Variants in KLF12 observed in about 807,000 individuals in gnomAD.
The protein encoded by KLF12 is Krueppel-like factor 12.
A neutral mutation model predicts 37.8 loss-of-function variants in KLF12; 9 were observed. The ratio of observed to expected loss-of-function variants is 0.24; its 90% CI spans 0.14 to 0.42. KLF12 has a LOEUF of 0.42. Among genes scored for constraint, KLF12 ranks in the 10% least tolerant of loss-of-function variants. The probability of loss-of-function intolerance (pLI) is 1.00; values close to 1 mark genes in which losing one functional copy is unlikely to be tolerated. For synonymous variants in KLF12, 208 were observed against 202.1 expected, an observed-to-expected ratio of 1.03 and a Z score of -0.25; for missense variants, 411 against 516.0, an observed-to-expected ratio of 0.80 and a Z score of 1.97.
chr13:73,943,866 G>A (rs1330873156), intron 3 of KLF12, 115 bp downstream of exon 3: 3 of 679,750 alleles, frequency 4.4e-6, no homozygotes, highest in Middle Eastern at 2.5e-4. Context: ...TAACCTGAGA[G>A]AGAAAAGCTT....
Position 73,941,979 on chromosome 13 carries a change from A to G in KLF12, c.123+2002T>C, listed in dbSNP as rs1317437454. 4.6e-5 allele frequency among the ~76,000 whole-genome samples: 7 copies of G among 152,194 alleles called. No homozygotes were observed. The East Asian group carries it at 1.2e-3, about 25-fold the overall frequency. ...ATTAGGCAATACCTATGAACCCACAACTTTTCATGTCCCTCTCTAAGGACA... is the reference window on the plus strand; with the variant it reads ...ATTAGGCAATACCTATGAACCCACAGCTTTTCATGTCCCTCTCTAAGGACA... On this transcript the variant is annotated intron_variant, in intron 3 of 7. Transcript: ENST00000377669.
At chr13:74,285,251 T>A in the KLF12 span, among the ~76,000 whole-genome samples, 3 of 152,148 alleles carry the variant, frequency 2.0e-5, no homozygotes, top group African/African-American at 7.2e-5. Context: ...AAGCTCTTTA[T>A]GGAATCTTTC....
At chr13:73,754,422 C>T (rs1366185543) in intron 6 of KLF12, among the ~76,000 whole-genome samples, 1 of 152,102 alleles carries the variant, frequency 6.6e-6, no homozygotes, top group Non-Finnish European at 1.5e-5. Context: ...ACCCTTGCCT[C>T]TCATCACGCA....
At position 73,948,406 on chromosome 13, in the gene KLF12, AC is replaced by A. The variant is rs529039731; in HGVS notation, c.34-4337del. The stretch of plus-strand genomic sequence containing the variant: ...CTAATTTTTTCTATTTTTTGTAGAG[AC>A]GGGGTTTCACCTTGTTGGCTAGCCT... On this transcript the variant is annotated intron_variant, in intron 2 of 7. Transcript: ENST00000377669. Among the ~76,000 whole-genome samples the A allele has an allele frequency of 3.4e-3, 516 of 152,178 alleles. 3 individuals are homozygous for A. The highest frequency in any genetic ancestry group is 0.012 in the African/African-American group (502 of 41,548).
the KLF12 span, among the ~76,000 whole-genome samples, chr13:74,205,201 G>A: frequency 2.7e-4 from 41 of 152,206 alleles, no homozygotes; most frequent in South Asian, 2.7e-3. Flanking sequence ...AATTTGCTCA[G>A]CGTGGGGAGA....
At chr13:74,157,860 C>T in the KLF12 span, among the ~76,000 whole-genome samples, 1 of 152,208 alleles carries the variant, frequency 6.6e-6, no homozygotes, top group Non-Finnish European at 1.5e-5. Flanking sequence ...CATCCTGCTG[C>T]TCCCATGGCA....
At chr13:74,037,060 C>T (rs2138515292) in intron 1 of KLF12, among the ~76,000 whole-genome samples, 1 of 152,012 alleles carries the variant, frequency 6.6e-6, no homozygotes, top group East Asian at 1.9e-4. Context: ...AAAAATTAGC[C>T]AGGCATGGTG....
the KLF12 span, among the ~76,000 whole-genome samples, chr13:74,283,146 T>C: frequency 1.1e-3 from 172 of 152,350 alleles, 1 homozygote; most frequent in Non-Finnish European, 7.3e-5. Flanking sequence ...AGAGGAAATG[T>C]AGACTGCAAA....
At chr13:73,799,091 C>G (rs1355133252) in intron 5 of KLF12, among the ~76,000 whole-genome samples, 1 of 152,096 alleles carries the variant, frequency 6.6e-6, no homozygotes, top group African/African-American at 2.4e-5. Context: ...ATAAAAAGAG[C>G]AAGATCCCGT....
At chr13:73,838,984 A>G (rs1280380492) in intron 4 of KLF12, among the ~76,000 whole-genome samples, 1 of 151,846 alleles carries the variant, frequency 6.6e-6, no homozygotes, top group Non-Finnish European at 1.5e-5. Flanking sequence ...CTCAAGTCTC[A>G]CTCCCAGGCA....
At chr13:74,140,415 C>A in the KLF12 span, among the ~76,000 whole-genome samples, 1 of 152,162 alleles carries the variant, frequency 6.6e-6, no homozygotes, top group Non-Finnish European at 1.5e-5. Flanking sequence ...ATCCCAGATA[C>A]TCAGGAGGCT....
At chr13:74,111,944 T>C (rs996159485) in intron 1 of KLF12, among the ~76,000 whole-genome samples, 2 of 152,196 alleles carry the variant, frequency 1.3e-5, no homozygotes, top group African/African-American at 4.8e-5. Context: ...GGCTAGAAAG[T>C]CATAAGCTTC....
the KLF12 span, among the ~76,000 whole-genome samples, chr13:74,157,516 C>T: frequency 1.3e-5 from 2 of 152,174 alleles, no homozygotes; most frequent in Admixed American, 1.3e-4. Context: ...TATGCTCACC[C>T]ACCCTAAGAG....
At chr13:74,158,981 C>T in the KLF12 span, among the ~76,000 whole-genome samples, 13 of 152,154 alleles carry the variant, frequency 8.5e-5, no homozygotes, top group African/African-American at 1.2e-4. Flanking sequence ...TGAGCATGTG[C>T]GCCTACTATG....
At chr13:74,042,829 T>C (rs749264805) in intron 1 of KLF12, among the ~76,000 whole-genome samples, 1 of 152,160 alleles carries the variant, frequency 6.6e-6, no homozygotes, top group Non-Finnish European at 1.5e-5. Context: ...AAAAAAGCAT[T>C]AACTGAGGCA....
At chr13:74,104,704 C>A (rs1876555608) in intron 1 of KLF12, among the ~76,000 whole-genome samples, 1 of 152,112 alleles carries the variant, frequency 6.6e-6, no homozygotes, top group African/African-American at 2.4e-5. Context: ...ACATATAGTG[C>A]TCCAAATTAA....
chr13:74,075,838 C>T (rs544556788), intron 1 of KLF12, among the ~76,000 whole-genome samples: 74 of 152,260 alleles, frequency 4.9e-4, no homozygotes, highest in African/African-American at 1.7e-3. Flanking sequence ...AAAATTTTCC[C>T]AGCCCAGCAC....
intron 3 of KLF12, among the ~76,000 whole-genome samples, chr13:73,923,344 G>T (rs1018190213): frequency 3.3e-5 from 5 of 152,166 alleles, no homozygotes; most frequent in African/African-American, 1.2e-4. Flanking sequence ...AAGTGTCCCA[G>T]TATTACCCAT....
At chr13:73,994,008 G>A (rs997795818) in intron 2 of KLF12, among the ~76,000 whole-genome samples, 2 of 152,204 alleles carry the variant, frequency 1.3e-5, no homozygotes, top group Admixed American at 6.5e-5. Flanking sequence ...GATACCTGCA[G>A]AAGTCTCCCT....
Sources: gnomAD v4.1 joint callset for allele counts (sites outside exome capture counted in the v4.1 genomes callset) on GRCh38, gnomAD v4.1.1 for gene constraint, MANE v1.5 for transcripts, NCBI Gene and HGNC (gene_info 2026-07-23, HGNC 2026-07-21) for gene names.